GABBR2: variants seen among roughly 807,000 people sequenced by gnomAD.
GABBR2 encodes G-protein coupled receptor 51.
GABBR2 carries 23 observed loss-of-function variants against 105.6 expected under a neutral mutation model. That is an observed-to-expected ratio of 0.22 (90% CI 0.16 to 0.31). GABBR2 has a LOEUF of 0.31. Among genes scored for constraint, GABBR2 ranks in the 10% least tolerant of loss-of-function variants. GABBR2 has a pLI of 1.00. For synonymous variants in GABBR2, 478 were observed against 499.7 expected (o/e 0.96, Z 0.58); for missense variants, 734 against 1,245.5 (o/e 0.59, Z 6.18).
At chr9:98,698,807 A>T (rs1830790663) in intron 1 of GABBR2, among the ~76,000 whole-genome samples, 1 of 151,762 alleles carries the variant, frequency 6.6e-6, no homozygotes, top group South Asian at 2.1e-4. Context: ...CTTTACTCAC[A>T]ATCTTGGTTA....
intron 1 of GABBR2, among the ~76,000 whole-genome samples, chr9:98,689,876 T>C (rs1307164735): frequency 6.6e-6 from 1 of 152,202 alleles, no homozygotes; most frequent in African/African-American, 2.4e-5. Flanking sequence ...AAATCTACTC[T>C]GACATTCTGA....
At chr9:98,594,774 C>G (rs1588243523) in intron 1 of GABBR2, among the ~76,000 whole-genome samples, 1 of 152,220 alleles carries the variant, frequency 6.6e-6, no homozygotes. Context: ...GCCTGGTCCT[C>G]CCTTTGTATA....
chr9:98,466,455 TA>T (rs1826558461), intron 6 of GABBR2, among the ~76,000 whole-genome samples: 1 of 152,208 alleles, frequency 6.6e-6, no homozygotes, highest in Non-Finnish European at 1.5e-5. Flanking sequence ...AATGAAACCA[TA>T]AAAGGTAATC....
chr9:98,501,491 T>G (rs769348489), intron 3 of GABBR2, among the ~76,000 whole-genome samples: 46 of 152,020 alleles, frequency 3.0e-4, no homozygotes, highest in Non-Finnish European at 5.3e-4. Context: ...ACATATCACA[T>G]CTAGAATGAA....
At chr9:98,577,886 G>A (rs759578577) in intron 2 of GABBR2, 49 bp downstream of exon 2, 1 of 1,557,702 alleles carries the variant, frequency 6.4e-7, no homozygotes, top group South Asian at 1.2e-5. Flanking sequence ...AAAAGACTGA[G>A]GGCCAACCAA....
chr9:98,621,453 T>G (rs1234906164), intron 1 of GABBR2, among the ~76,000 whole-genome samples: 1 of 152,220 alleles, frequency 6.6e-6, no homozygotes, highest in Non-Finnish European at 1.5e-5. Flanking sequence ...CCCTGTCCCC[T>G]ACCACAGATG....
At chr9:98,351,937 A>G (rs748291892) in intron 13 of GABBR2, among the ~76,000 whole-genome samples, 40 of 152,340 alleles carry the variant, frequency 2.6e-4, no homozygotes, top group Non-Finnish European at 4.4e-4. Flanking sequence ...CATCTGGTAT[A>G]ACAGCTGCTT....
intron 13 of GABBR2, among the ~76,000 whole-genome samples, chr9:98,359,514 T>A (rs1831545437): frequency 6.6e-6 from 1 of 152,206 alleles, no homozygotes; most frequent in Non-Finnish European, 1.5e-5. Context: ...CTGCCCCCAG[T>A]AGGCCTCTAG....
intron 3 of GABBR2, among the ~76,000 whole-genome samples, chr9:98,523,405 G>A (rs1827902333): frequency 6.6e-6 from 1 of 152,176 alleles, no homozygotes; most frequent in African/African-American, 2.4e-5. Context: ...TGTCTGAAAA[G>A]ATGAGTAATC....
In GABBR2 at chr9:98,492,349, T is replaced by TTAAAAAAAAAAAA. The variant is rs752135873; in HGVS notation, c.732+4063_732+4064insTTTTTTTTTTTTA. On this transcript the variant is annotated intron_variant, in intron 4 of 18. Coordinates refer to ENST00000259455, the MANE Select transcript of GABBR2 (RefSeq NM_005458.8). ...GAGCCCGCTTAAGTTTGTTTCCTAG[T>TTAAAAAAAAAAAA]AAAAAAAAAAAAAAAAAAAAAAAAA... Among the ~76,000 whole-genome samples, 12 of 29,220 alleles carry TTAAAAAAAAAAAA rather than the reference T, an allele frequency of 4.1e-4. 1 individual carries two copies. Among genetic ancestry groups the TTAAAAAAAAAAAA allele is most frequent in the Non-Finnish European group, 8.6e-4 (10 of 11,652 alleles). The allele number at this position is 29,220 out of a possible 152,430, so 19.2% of individuals were successfully genotyped here. A position where few individuals can be genotyped will look rare whatever the true frequency, so the allele number is the denominator to read the frequency against.
intron 5 of GABBR2, among the ~76,000 whole-genome samples, chr9:98,475,693 A>G (rs943927020): frequency 9.9e-5 from 15 of 152,256 alleles, no homozygotes; most frequent in African/African-American, 3.6e-4. Context: ...GTAAAACAAA[A>G]CAAAAGGATT....
chr9:98,484,338 C>G (rs1826994892), intron 4 of GABBR2, among the ~76,000 whole-genome samples: 1 of 152,184 alleles, frequency 6.6e-6, no homozygotes, highest in African/African-American at 2.4e-5. Flanking sequence ...TACAAGCTCT[C>G]CCAGGGCTCC....
intron 8 of GABBR2, among the ~76,000 whole-genome samples, chr9:98,401,534 G>A (rs530528847): frequency 2.0e-5 from 3 of 152,296 alleles, no homozygotes; most frequent in African/African-American, 7.2e-5. Context: ...CCACATTTCC[G>A]TGTGTCCCCT....
chr9:98,316,666 A>G (rs778080774), intron 13 of GABBR2, among the ~76,000 whole-genome samples: 6 of 152,174 alleles, frequency 3.9e-5, no homozygotes, highest in Non-Finnish European at 7.4e-5. Flanking sequence ...AGGCAGCCTC[A>G]GAGAGAGAGG....
Position 98,436,333 on chromosome 9 carries a change from C to CCATAAATAT in GABBR2, c.1236+17647_1236+17648insATATTTATG, listed in dbSNP as rs1564068107. 3.0e-3 allele frequency among the ~76,000 whole-genome samples: 58 copies of CCATAAATAT among 19,234 alleles called. 8 individuals are homozygous for CCATAAATAT. The highest frequency in any genetic ancestry group is 0.012 in the East Asian group (10 of 860). The allele number at this position is 19,234 out of a possible 152,430, so 12.6% of individuals were successfully genotyped here. A position where few individuals can be genotyped will look rare whatever the true frequency, so the allele number is the denominator to read the frequency against. On this transcript the variant is annotated intron_variant, in intron 7 of 18. Coordinates refer to ENST00000259455, the MANE Select transcript of GABBR2 (RefSeq NM_005458.8). Reference sequence around the variant, plus strand: ...TAAATATACCATATATATATATATACACACACACACACACCATATATATAT... The same window carrying CCATAAATAT: ...TAAATATACCATATATATATATATACCATAAATATACACACACACACACCATATATATAT...
chr9:98,539,808 C>T (rs1828254749), intron 3 of GABBR2, among the ~76,000 whole-genome samples: 1 of 150,808 alleles, frequency 6.6e-6, no homozygotes, highest in Middle Eastern at 3.4e-3. Context: ...CCCAGCTACT[C>T]GGGAGGCTGA....
intron 13 of GABBR2, among the ~76,000 whole-genome samples, chr9:98,331,447 A>G (rs919393228): frequency 3.3e-5 from 4 of 121,262 alleles, no homozygotes; most frequent in Non-Finnish European, 6.3e-5. Flanking sequence ...AGGCAGGATG[A>G]GCAGCCACCT....
chr9:98,677,898 C>G (rs926935994), intron 1 of GABBR2, among the ~76,000 whole-genome samples: 1 of 152,190 alleles, frequency 6.6e-6, no homozygotes, highest in African/African-American at 2.4e-5. Context: ...AGAAATCACT[C>G]ACCCGTAAAT....
At chr9:98,643,589 G>A (rs906803505) in intron 1 of GABBR2, among the ~76,000 whole-genome samples, 1 of 152,160 alleles carries the variant, frequency 6.6e-6, no homozygotes, top group Non-Finnish European at 1.5e-5. Context: ...AGCTCCTTGC[G>A]CAGAGGGACG....
Sources: allele counts gnomAD v4.1 joint callset (sites outside exome capture counted in the v4.1 genomes callset), GRCh38; gene constraint gnomAD v4.1.1; transcripts MANE v1.5; gene names NCBI Gene and HGNC (gene_info 2026-07-23, HGNC 2026-07-21).